The following CD300A variants were observed in gnomAD, a reference collection of about 807,000 sequenced individuals.
The protein encoded by CD300A is CMRF35-like molecule 8.
In CD300A, 22 loss-of-function variants were observed where a neutral mutation model predicts 33.6. That is an observed-to-expected ratio of 0.66 (90% CI 0.47 to 0.94). CD300A has a LOEUF of 0.94. CD300A is among the 40% of genes least tolerant of loss of function. CD300A has a pLI of 0.00. For missense variants in CD300A, 326 were observed against 360.5 expected (o/e 0.90, Z 0.77); for synonymous variants, 136 against 148.1 (o/e 0.92, Z 0.59).
At chr17:74,474,791 C>G (rs2140252) in intron 3 of CD300A, 106 bp downstream of exon 3, 289,653 of 1,251,888 alleles carry the variant, frequency 0.23, 38,014 homozygotes, top group East Asian at 0.55. Context: ...GCATCGCTCC[C>G]TTTGCCCCAG....
In CD300A at chr17:74,477,530, G is replaced by C. The variant is rs1323523106; in HGVS notation, c.628G>C (p.Ala210Pro). The change falls in exon 4 of 7, where the codon GCT becomes CCT. Residue 210 changes from alanine (A) to proline (P), a missense_variant and splice_region_variant. Physicochemically the swap from Ala to Pro is conservative, Grantham distance 27. Transcript: ENST00000360141. The stretch of plus-strand genomic sequence containing the variant: ...GAGGATGTTTCAGAAATGGATCAAA[G>C]GTGAGTTGGCTCCCCACACCCCTCT... ...AWRMFQKWIK[A>P]GDHSELSQNP... The C allele has an allele frequency of 1.9e-6, 3 of 1,611,602 alleles. No homozygotes were observed. Among genetic ancestry groups the C allele is most frequent in the Non-Finnish European group, 2.5e-6 (3 of 1,178,788 alleles).
chr17:74,467,168 G>T (rs1225018570), intron 1 of CD300A, among the ~76,000 whole-genome samples: 1 of 139,828 alleles, frequency 7.2e-6, no homozygotes, highest in East Asian at 2.2e-4. Context: ...GGAGGGGGGT[G>T]TGGGGAGGGT....
At chr17:74,466,497 G>C (rs1055573758), upstream of CD300A, 61 of 610,440 alleles carry the variant, frequency 1.0e-4, no homozygotes, top group East Asian at 3.3e-4. Flanking sequence ...TAAGGAGGAC[G>C]TGCCGTTTCT....
chr17:74,468,211 T>C (rs2144498058), intron 1 of CD300A, among the ~76,000 whole-genome samples: 1 of 152,070 alleles, frequency 6.6e-6, no homozygotes, highest in East Asian at 1.9e-4. Flanking sequence ...ATTTTGTATT[T>C]TTAGTAGAGA....
intron 1 of CD300A, 88 bp from the exon 2 acceptor site, chr17:74,473,448 C>A: frequency 7.8e-7 from 1 of 1,287,012 alleles, no homozygotes; most frequent in Non-Finnish European, 1.1e-6. Context: ...CTCCTCCACA[C>A]CCCCAGGGTC....
In CD300A at chr17:74,475,280, A is replaced by G. The variant is rs1906385795; in HGVS notation, c.533+595A>G. ...ATGGAGCAAACCACCCCCATGATTC[A>G]GTTATCTCCCACTGGGTCCCTCCCA... is the stretch of plus-strand genomic sequence containing the variant. On this transcript the variant is annotated intron_variant, in intron 3 of 6. Coordinates refer to ENST00000360141, the MANE Select transcript of CD300A (RefSeq NM_007261.4). Among the ~76,000 whole-genome samples the G allele has an allele frequency of 3.3e-5, 5 of 152,190 alleles. No individual in the cohort carries two copies. The South Asian group carries it at 1.0e-3, about 32-fold the overall frequency.
At chr17:74,475,963 AT>A (rs34638015) in intron 3 of CD300A, among the ~76,000 whole-genome samples, 80,815 of 151,924 alleles carry the variant, frequency 0.53, 23,884 homozygotes, top group African/African-American at 0.79. Flanking sequence ...GCTTGGGAGG[AT>A]TCCCAAACAG....
chr17:74,482,593 G>A (rs906077459), intron 6 of CD300A, among the ~76,000 whole-genome samples: 4 of 151,262 alleles, frequency 2.6e-5, no homozygotes, highest in Admixed American at 1.3e-4. Flanking sequence ...CCTGATAGCC[G>A]CACCGTTCCC....
At position 74,473,736 on chromosome 17, in the gene CD300A, C is replaced by T. The variant is rs772273246; in HGVS notation, c.241C>T (p.Pro81Ser). The T allele has an allele frequency of 2.5e-6, 4 of 1,614,128 alleles. No individual in the cohort carries two copies. The highest frequency in any genetic ancestry group is 1.1e-5 in the South Asian group (1 of 91,088). ...RNGRVSIRDS[P>S]ANLSFTVTLE... ...CGGCCGAGTGTCCATCAGGGACAGTCCTGCAAACCTCAGCTTCACAGTGAC... is the reference window on the plus strand; with the variant it reads ...CGGCCGAGTGTCCATCAGGGACAGTTCTGCAAACCTCAGCTTCACAGTGAC... Residue 81 changes from proline to serine, a missense_variant, in exon 2 of 7, where the codon CCT becomes TCT. By Grantham distance (74) the Pro-to-Ser change is moderately conservative. Coordinates refer to ENST00000360141, the MANE Select transcript of CD300A (RefSeq NM_007261.4).
chr17:74,477,461 G>T lies in CD300A; in HGVS notation c.559G>T (p.Ala187Ser). Residue 187 changes from alanine (A) to serine (S), a missense_variant, in exon 4 of 7, where the codon GCA (alanine) becomes TCA (serine). Physicochemically the swap from Ala to Ser is moderately conservative, Grantham distance 99. Transcript: ENST00000360141. ...SQLPLLLSLL[A>S]LLLLLLVGAS... is the part of the protein sequence containing the mutation. ...GCTCCCGCTGCTCCTCTCCCTGCTG[G>T]CATTGTTGCTGCTTCTGTTGGTGGG... 6.2e-7 allele frequency: 1 copy of T among 1,613,588 alleles called. No homozygotes were observed. The highest frequency in any genetic ancestry group is 8.5e-7 in the Non-Finnish European group (1 of 1,179,764).
Position 74,482,694 on chromosome 17 carries a change from C to CT in CD300A, c.774+863dup, listed in dbSNP as rs1567985660. 6.4e-5 allele frequency among the ~76,000 whole-genome samples: 7 copies of CT among 110,090 alleles called. 1 individual carries two copies. Among genetic ancestry groups the CT allele is most frequent in the East Asian group, 2.7e-4 (1 of 3,724 alleles). The allele number at this position is 110,090 out of a possible 152,430, so 72.2% of individuals were successfully genotyped here. On this transcript the variant is annotated intron_variant, in intron 6 of 6. Coordinates refer to ENST00000360141, the MANE Select transcript of CD300A (RefSeq NM_007261.4). ...CCTGGCCAAGTTCCTTCCTTCCTTC[C>CT]TTCCTTTCTTTCTTTCTTTCTTTCT...
intron 1 of CD300A, among the ~76,000 whole-genome samples, chr17:74,472,007 G>A (rs1906132072): frequency 1.3e-5 from 2 of 152,048 alleles, no homozygotes; most frequent in Non-Finnish European, 2.9e-5. Context: ...TTGGGAGGCC[G>A]AGGCAGGTGG....
intron 4 of CD300A, among the ~76,000 whole-genome samples, chr17:74,477,925 A>G (rs1906586020): frequency 6.6e-6 from 1 of 152,122 alleles, no homozygotes. Flanking sequence ...CAACACAACA[A>G]GGCTCCCGTG....
chr17:74,481,223 T>C, intron 4 of CD300A, 66 bp from the exon 5 acceptor site: 1 of 1,517,446 alleles, frequency 6.6e-7, no homozygotes, highest in Non-Finnish European at 9.1e-7. Context: ...CCCAGAAGGC[T>C]TGTAAGGTCC....
chr17:74,479,290 G>T (rs1906683372), intron 4 of CD300A, among the ~76,000 whole-genome samples: 1 of 151,940 alleles, frequency 6.6e-6, no homozygotes, highest in African/African-American at 2.4e-5. Context: ...AGGCTGGCGT[G>T]CAGTGGCATG....
intron 1 of CD300A, among the ~76,000 whole-genome samples, chr17:74,471,486 C>T (rs1906096709): frequency 6.6e-6 from 1 of 152,122 alleles, no homozygotes; most frequent in South Asian, 2.1e-4. Flanking sequence ...CCTCAAAGGC[C>T]ATATGAGTCA....
At chr17:74,474,730 G>C (rs1906350954) in intron 3 of CD300A, 45 bp downstream of exon 3, 1 of 1,602,582 alleles carries the variant, frequency 6.2e-7, no homozygotes, top group South Asian at 1.1e-5. Context: ...CCTGTGCTAA[G>C]AGGAGGAGCC....
chr17:74,469,103 A>C lies in CD300A; in HGVS notation c.40+2360A>C, dbSNP rs1337134750. ...GTGTTCTCTGCAAATGTTTACATAA[A>C]ATTGAAATTATTTGTTCCTTGAAGT... is the stretch of plus-strand genomic sequence containing the variant. On this transcript the variant is annotated intron_variant, in intron 1 of 6. Coordinates refer to ENST00000360141, the MANE Select transcript of CD300A (RefSeq NM_007261.4). Among the ~76,000 whole-genome samples, 3 of 152,156 alleles carry C rather than the reference A, an allele frequency of 2.0e-5. No individual in the cohort carries two copies. In the East Asian group the frequency reaches 5.8e-4, roughly 29 times the overall value.
chr17:74,483,610 G>C (rs546599112), intron 6 of CD300A, among the ~76,000 whole-genome samples: 1 of 152,168 alleles, frequency 6.6e-6, no homozygotes, highest in Non-Finnish European at 1.5e-5. Context: ...ACCCGCCTTG[G>C]CCTCCCAAAG....
Sources: allele counts gnomAD v4.1 joint callset (sites outside exome capture counted in the v4.1 genomes callset), GRCh38; gene constraint gnomAD v4.1.1; transcripts MANE v1.5; gene names NCBI Gene and HGNC (gene_info 2026-07-23, HGNC 2026-07-21).